The following MAPK4 variants were observed in gnomAD, a reference collection of about 807,000 sequenced individuals.
MAPK4 encodes Erk3-related.
A neutral mutation model predicts 47.7 loss-of-function variants in MAPK4; 22 were observed. The observed-to-expected ratio is 0.46, with a 90% CI of 0.33 to 0.66. MAPK4 has a LOEUF of 0.66. Among genes scored for constraint, MAPK4 ranks in the 30% least tolerant of loss-of-function variants. MAPK4 has a pLI of 0.02. For synonymous variants in MAPK4, 390 were observed against 365.7 expected, an observed-to-expected ratio of 1.07 and a Z score of -0.76; for missense variants, 736 against 831.7, an observed-to-expected ratio of 0.88 and a Z score of 1.42.
At chr18:50,647,979 A>T (rs185666647) in intron 1 of MAPK4, among the ~76,000 whole-genome samples, 2 of 151,988 alleles carry the variant, frequency 1.3e-5, no homozygotes, top group Non-Finnish European at 2.9e-5. Context: ...TTATTCATCA[A>T]CTTTTTATTG....
In MAPK4 at chr18:50,730,907, C is replaced by T. The variant is rs1911528476; in HGVS notation, c.*1053C>T. 1.3e-5 allele frequency: 2 copies of T among 152,308 alleles called. No homozygotes were observed. Among genetic ancestry groups the T allele is most frequent in the African/African-American group, 2.4e-5 (1 of 41,546 alleles). The allele number at this position is 152,308 out of a possible 1,614,324, so 9.4% of individuals were successfully genotyped here. A position where few individuals can be genotyped will look rare whatever the true frequency, so the allele number is the denominator to read the frequency against. The stretch of plus-strand genomic sequence containing the variant: ...TCATTTGGAGGACAGCAGTGAGGTC[C>T]TGCCATAGAGCAAATGTGTTAGGAG... On this transcript the variant is annotated 3_prime_UTR_variant, in exon 6 of 6. Transcript: ENST00000400384.
chr18:50,574,223 C>G (rs1164558222), intron 1 of MAPK4, among the ~76,000 whole-genome samples: 1 of 152,072 alleles, frequency 6.6e-6, no homozygotes, highest in African/African-American at 2.4e-5. Flanking sequence ...CTTTTTGTAG[C>G]CTTACTGTGT....
At chr18:50,679,239 G>A (rs1908445364) in intron 2 of MAPK4, among the ~76,000 whole-genome samples, 1 of 152,132 alleles carries the variant, frequency 6.6e-6, no homozygotes, top group African/African-American at 2.4e-5. Flanking sequence ...CCAAGGCCAG[G>A]AGGACTGAGT....
chr18:50,621,203 A>G (rs1002434737), intron 1 of MAPK4, among the ~76,000 whole-genome samples: 5 of 152,226 alleles, frequency 3.3e-5, no homozygotes, highest in African/African-American at 7.2e-5. Flanking sequence ...ACTCCAAAAC[A>G]TATGCTCTTC....
intron 1 of MAPK4, among the ~76,000 whole-genome samples, chr18:50,639,974 A>G (rs1189850428): frequency 6.6e-6 from 1 of 152,210 alleles, no homozygotes; most frequent in African/African-American, 2.4e-5. Flanking sequence ...TAGCCACCTC[A>G]CTTTCTTTTG....
At chr18:50,646,221 T>G (rs1435673690) in intron 1 of MAPK4, among the ~76,000 whole-genome samples, 2 of 152,166 alleles carry the variant, frequency 1.3e-5, no homozygotes, top group African/African-American at 4.8e-5. Context: ...CCTGCTAGAG[T>G]CACCTCCCCT....
chr18:50,641,683 A>G (rs1015250809), intron 1 of MAPK4, among the ~76,000 whole-genome samples: 3 of 152,210 alleles, frequency 2.0e-5, no homozygotes, highest in Non-Finnish European at 4.4e-5. Flanking sequence ...AAGTTATTGT[A>G]CCATTTGCTG....
At chr18:50,648,944 G>T (rs561204240) in intron 1 of MAPK4, among the ~76,000 whole-genome samples, 1 of 152,322 alleles carries the variant, frequency 6.6e-6, no homozygotes, top group East Asian at 1.9e-4. Flanking sequence ...GATGAGGGTA[G>T]ACTTGAAGCT....
Position 50,639,675 on chromosome 18 carries a change from G to A in MAPK4, c.-870-23414G>A, listed in dbSNP as rs137945175. Among the ~76,000 whole-genome samples the A allele has an allele frequency of 1.1e-4, 17 of 152,202 alleles. No homozygotes were observed. The East Asian group carries it at 2.7e-3, about 24-fold the overall frequency. On this transcript the variant is annotated intron_variant, in intron 1 of 5. Coordinates refer to ENST00000400384, the MANE Select transcript of MAPK4 (RefSeq NM_002747.4). ...ATTTAGTAACATTTTATCACTTAGC[G>A]CCACATCATGCACGTTTTCCGATGT...
At chr18:50,724,016 G>A (rs1038463104) in intron 4 of MAPK4, among the ~76,000 whole-genome samples, 4 of 151,892 alleles carry the variant, frequency 2.6e-5, no homozygotes, top group African/African-American at 7.3e-5. Context: ...GTTGGTACTC[G>A]ACTTTTTTTC....
At chr18:50,642,609 C>G (rs997711722) in intron 1 of MAPK4, among the ~76,000 whole-genome samples, 1 of 152,152 alleles carries the variant, frequency 6.6e-6, no homozygotes, top group African/African-American at 2.4e-5. Context: ...GTTGAACAAC[C>G]CCTGCAGGGT....
chr18:50,609,790 C>A (rs1407727608), intron 1 of MAPK4, among the ~76,000 whole-genome samples: 1 of 151,986 alleles, frequency 6.6e-6, no homozygotes, highest in African/African-American at 2.4e-5. Flanking sequence ...CTCTAAGGCC[C>A]ACTTGTTTGC....
intron 2 of MAPK4, among the ~76,000 whole-genome samples, chr18:50,706,887 C>A (rs551944722): frequency 6.6e-6 from 1 of 152,322 alleles, no homozygotes; most frequent in East Asian, 1.9e-4. Context: ...ACTGAACAAA[C>A]AGAACATGTT....
intron 2 of MAPK4, 121 bp from the exon 3 acceptor site, chr18:50,714,958 G>A (rs754251103): frequency 1.8e-5 from 17 of 966,830 alleles, no homozygotes; most frequent in Non-Finnish European, 2.5e-5. Context: ...AATGGGAAAG[G>A]GGCAAGAATG....
chr18:50,641,373 G>T (rs1568058039), intron 1 of MAPK4, among the ~76,000 whole-genome samples: 1 of 146,896 alleles, frequency 6.8e-6, no homozygotes, highest in Non-Finnish European at 1.5e-5. Context: ...GTTTAAAGGT[G>T]CTTTGGTGTT....
At chr18:50,643,806 G>A (rs1229043024) in intron 1 of MAPK4, among the ~76,000 whole-genome samples, 1 of 152,136 alleles carries the variant, frequency 6.6e-6, no homozygotes, top group Non-Finnish European at 1.5e-5. Context: ...AAATATCCAT[G>A]GGGCTGACGG....
chr18:50,638,214 GAA>G (rs145229788), intron 1 of MAPK4, among the ~76,000 whole-genome samples: 1 of 152,118 alleles, frequency 6.6e-6, no homozygotes, highest in Non-Finnish European at 1.5e-5. Flanking sequence ...TTCTAGAGTG[GAA>G]AAAATCTCTG....
intron 1 of MAPK4, among the ~76,000 whole-genome samples, chr18:50,657,419 G>A (rs917002030): frequency 1.3e-5 from 2 of 152,128 alleles, no homozygotes; most frequent in African/African-American, 2.4e-5. Flanking sequence ...ATAGTATATG[G>A]TACAATCCCA....
chr18:50,662,726 C>T (rs1293193921), intron 1 of MAPK4, among the ~76,000 whole-genome samples: 4 of 152,274 alleles, frequency 2.6e-5, no homozygotes, highest in Admixed American at 2.6e-4. Context: ...TACTCTCACC[C>T]TTCCTAGCTA....
Sources: allele counts gnomAD v4.1 joint callset (sites outside exome capture counted in the v4.1 genomes callset), GRCh38; gene constraint gnomAD v4.1.1; transcripts MANE v1.5; gene names NCBI Gene and HGNC (gene_info 2026-07-23, HGNC 2026-07-21).